The following FHOD3 variants were observed in gnomAD, a reference collection of about 807,000 sequenced individuals.
FHOD3 encodes formin homology 2 domain containing 3.
FHOD3 carries 90 observed loss-of-function variants against 173.0 expected under a neutral mutation model. That is an observed-to-expected ratio of 0.52 (90% CI 0.44 to 0.62). The LOEUF (loss-of-function observed/expected upper bound fraction) is 0.62. FHOD3 is among the 20% of genes least tolerant of loss of function. The pLI is 0.00. For synonymous variants in FHOD3, 828 were observed against 823.0 expected, an observed-to-expected ratio of 1.01 and a Z score of -0.10; for missense variants, 1,945 against 2,034.7, an observed-to-expected ratio of 0.96 and a Z score of 0.85.
rs911298086 is a variant in FHOD3, at chr18:36,545,250, C to A, written c.512-31201C>A. Among the ~76,000 whole-genome samples, 4 of 152,080 alleles carry A rather than the reference C, an allele frequency of 2.6e-5. No individual in the cohort carries two copies. The South Asian group carries it at 8.3e-4, about 32-fold the overall frequency. ...ACATGGCTCTGCCTCATGGAACTTT[C>A]CATTCTGGCCAAGATGATAGACAAG... On this transcript the variant is annotated intron_variant, in intron 5 of 28. Coordinates refer to ENST00000590592, the MANE Select transcript of FHOD3 (RefSeq NM_001281740.3).
intron 3 of FHOD3, among the ~76,000 whole-genome samples, chr18:36,430,315 C>G (rs1310783902): frequency 6.6e-6 from 1 of 152,188 alleles, no homozygotes; most frequent in African/African-American, 2.4e-5. Context: ...CTCCCGAGTT[C>G]AAGCGATTCT....
chr18:36,323,113 A>G (rs1324294927), intron 1 of FHOD3, among the ~76,000 whole-genome samples: 1 of 152,126 alleles, frequency 6.6e-6, no homozygotes, highest in African/African-American at 2.4e-5. Context: ...TGCGAGCCTG[A>G]CATGCTTCGA....
intron 18 of FHOD3, among the ~76,000 whole-genome samples, chr18:36,716,853 A>G (rs1032870528): frequency 2.6e-5 from 4 of 152,034 alleles, no homozygotes; most frequent in Non-Finnish European, 5.9e-5. Flanking sequence ...TGATAGCTAG[A>G]GGGATGAGTG....
At chr18:36,499,836 T>C (rs117717081) in intron 3 of FHOD3, among the ~76,000 whole-genome samples, 2,481 of 152,334 alleles carry the variant, frequency 0.016, 38 homozygotes, top group Middle Eastern at 0.027. Context: ...AGAAAGGTGA[T>C]GCATTTTTCT....
Position 36,625,645 on chromosome 18 carries a change from G to A in FHOD3, c.1092G>A (p.Arg364=), listed in dbSNP as rs2034044839. 2 of 1,608,928 alleles carry A rather than the reference G, an allele frequency of 1.2e-6. No individual in the cohort carries two copies. The highest frequency in any genetic ancestry group is 2.2e-5 in the South Asian group (2 of 90,414). The change falls in exon 10 of 29, where the codon AGG becomes AGA. Residue 364 remains arginine, a synonymous_variant. Coordinates refer to ENST00000590592, the MANE Select transcript of FHOD3 (RefSeq NM_001281740.3). The stretch of plus-strand genomic sequence containing the variant: ...GCCTGGACCGCAGAAGGAGCCGCAG[G>A]CACTCGGTGCAGAGCATCAAGAGCA... ...HRGLDRRRSR[R]HSVQSIKSTL...
intron 28 of FHOD3, 88 bp from the exon 29 acceptor site, chr18:36,779,360 G>C: frequency 8.6e-7 from 1 of 1,167,170 alleles, no homozygotes. Context: ...GGAGAAGGGG[G>C]GACTGGAGTC....
intron 14 of FHOD3, among the ~76,000 whole-genome samples, chr18:36,662,308 A>G (rs765878295): frequency 6.6e-6 from 1 of 152,196 alleles, no homozygotes; most frequent in Non-Finnish European, 1.5e-5. Flanking sequence ...TTCTGGGACT[A>G]GAGAGGCCAC....
intron 3 of FHOD3, among the ~76,000 whole-genome samples, chr18:36,438,899 G>T (rs1283894605): frequency 6.6e-6 from 1 of 152,216 alleles, no homozygotes; most frequent in Non-Finnish European, 1.5e-5. Context: ...TAGACACTTT[G>T]CAGCCTGTCC....
At chr18:36,690,321 G>A (rs2038880236) in intron 16 of FHOD3, among the ~76,000 whole-genome samples, 3 of 152,182 alleles carry the variant, frequency 2.0e-5, no homozygotes, top group Admixed American at 6.5e-5. Flanking sequence ...GCAAAAGTAG[G>A]AAGTCTTTTC....
intron 16 of FHOD3, chr18:36,692,990 T>C: frequency 1.7e-6 from 1 of 587,126 alleles, no homozygotes; most frequent in Non-Finnish European, 3.0e-6. Flanking sequence ...GATGCTGCCA[T>C]TTCCCCCAAT....
intron 1 of FHOD3, among the ~76,000 whole-genome samples, chr18:36,347,246 G>C (rs1320649073): frequency 6.6e-6 from 1 of 152,200 alleles, no homozygotes; most frequent in Admixed American, 6.5e-5. Flanking sequence ...ATATATTCCA[G>C]CTTTTTCAAG....
chr18:36,586,782 G>A (rs535905210), intron 6 of FHOD3, among the ~76,000 whole-genome samples: 10 of 152,206 alleles, frequency 6.6e-5, no homozygotes, highest in South Asian at 2.1e-4. Context: ...GCCTGGCCGC[G>A]TGTTACATTT....
At chr18:36,621,622 A>G (rs537817250) in intron 9 of FHOD3, among the ~76,000 whole-genome samples, 6 of 152,340 alleles carry the variant, frequency 3.9e-5, no homozygotes, top group Admixed American at 3.3e-4. Flanking sequence ...GTGTGTAAAC[A>G]CTTTTCAGGC....
intron 5 of FHOD3, among the ~76,000 whole-genome samples, chr18:36,550,565 T>A (rs191823357): frequency 6.6e-6 from 1 of 152,160 alleles, no homozygotes; most frequent in African/African-American, 2.4e-5. Flanking sequence ...AAATGTTGAG[T>A]CTTTTAATCT....
At chr18:36,478,173 A>T (rs1201015746) in intron 3 of FHOD3, among the ~76,000 whole-genome samples, 1 of 152,224 alleles carries the variant, frequency 6.6e-6, no homozygotes, top group Non-Finnish European at 1.5e-5. Context: ...TTAATGAGAT[A>T]TTTAAAGGTT....
chr18:36,766,446 C>T (rs1298497943), intron 27 of FHOD3, among the ~76,000 whole-genome samples: 3 of 152,138 alleles, frequency 2.0e-5, no homozygotes, highest in African/African-American at 7.2e-5. Context: ...TCCTCTCCAC[C>T]ACATCTCAAA....
At chr18:36,335,556 T>C (rs2045265869) in intron 1 of FHOD3, among the ~76,000 whole-genome samples, 1 of 152,122 alleles carries the variant, frequency 6.6e-6, no homozygotes, top group Admixed American at 6.5e-5. Flanking sequence ...TGAATTTATG[T>C]TGGGCCGCAT....
chr18:36,745,602 T>C (rs1055266339), intron 23 of FHOD3, among the ~76,000 whole-genome samples: 1 of 152,070 alleles, frequency 6.6e-6, no homozygotes, highest in Non-Finnish European at 1.5e-5. Context: ...CTCCAGCAAG[T>C]CCCCTGTGGG....
chr18:36,309,637 C>T (rs1166534328), intron 1 of FHOD3, among the ~76,000 whole-genome samples: 1 of 152,164 alleles, frequency 6.6e-6, no homozygotes, highest in Non-Finnish European at 1.5e-5. Flanking sequence ...TGCCAGTGCC[C>T]GGAAGTGAGA....
Sources: gnomAD v4.1 joint callset for allele counts (sites outside exome capture counted in the v4.1 genomes callset) on GRCh38, gnomAD v4.1.1 for gene constraint, MANE v1.5 for transcripts, NCBI Gene and HGNC (gene_info 2026-07-23, HGNC 2026-07-21) for gene names.